CHM: variants seen among roughly 807,000 people sequenced by gnomAD.
The protein encoded by CHM is rab proteins geranylgeranyltransferase component A 1.
A neutral mutation model predicts 49.0 loss-of-function variants in CHM; 10 were observed. That is an observed-to-expected ratio of 0.20 (90% CI 0.13 to 0.35). The LOEUF (loss-of-function observed/expected upper bound fraction) is 0.35, where lower values mean the gene tolerates loss of function less well. Among genes scored for constraint, CHM ranks in the 10% least tolerant of loss-of-function variants. CHM has a pLI of 1.00. For synonymous variants in CHM, 184 were observed against 167.5 expected (o/e 1.10, Z -0.76); for missense variants, 455 against 478.4 (o/e 0.95, Z 0.46).
chrX:85,963,802 G>A lies in CHM; in HGVS notation c.565C>T (p.Pro189Ser). The A allele has an allele frequency of 8.3e-7, 1 of 1,211,493 alleles. No homozygotes were observed. The highest frequency in any genetic ancestry group is 1.1e-6 in the Non-Finnish European group (1 of 895,402). ...CTCATGTCTTCTGCTGAAGTTGATGGCACACAAGTTTTATCATCACAATGG... is the reference window on the plus strand; with the variant it reads ...CTCATGTCTTCTGCTGAAGTTGATGACACACAAGTTTTATCATCACAATGG... ...ENHCDDKTCV[P>S]STSAEDMSEN... Residue 189 changes from proline (P) to serine (S), a missense_variant, in exon 5 of 15, where the codon CCA becomes TCA. Transcript: ENST00000357749.
At chrX:85,913,257 A>C (rs1446043839) in intron 8 of CHM, among the ~76,000 whole-genome samples, 1 of 92,208 alleles carries the variant, frequency 1.1e-5, no homozygotes, top group Non-Finnish European at 2.1e-5. Flanking sequence ...CGGAGGTTGC[A>C]GTGAGCTGAG....
chrX:85,958,956 G>A lies in CHM; in HGVS notation c.724C>T (p.Leu242=), dbSNP rs1394811592. ...VSKLLYSRGL[L]IDLLIKSNVS... ...TTAGATTTGATTAGAAGATCAATTA[G>A]TAATCCTCGAGAATACAGCAGCTGT... The change falls in exon 6 of 15, where the codon CTA becomes TTA. Residue 242 remains leucine, a synonymous_variant. Transcript: ENST00000357749. 8.3e-7 allele frequency: 1 copy of A among 1,210,697 alleles called. No homozygotes were observed. Among genetic ancestry groups the A allele is most frequent in the Admixed American group, 2.2e-5 (1 of 45,958 alleles).
rs1929720291 is a variant in CHM at position 85,951,068 on chromosome X, T to TC, written c.1166+5084dup. Among the ~76,000 whole-genome samples, 3 of 111,866 alleles carry TC rather than the reference T, an allele frequency of 2.7e-5. No individual in the cohort carries two copies. In the South Asian group the frequency reaches 1.1e-3, roughly 41 times the overall value. On this transcript the variant is annotated intron_variant, in intron 8 of 14. Transcript: ENST00000357749. Reference sequence around the variant, plus strand: ...GAGAAAAAAGAAGAAAAAGTTATTTTCAGATACACACAACTAGAAAGCATT... The same window carrying TC: ...GAGAAAAAAGAAGAAAAAGTTATTTTCCAGATACACACAACTAGAAAGCATT...
At chrX:85,909,592 C>T (rs1448943268) in intron 9 of CHM, among the ~76,000 whole-genome samples, 5 of 111,932 alleles carry the variant, frequency 4.5e-5, no homozygotes, top group Admixed American at 9.5e-5. Flanking sequence ...CATTAGCTTT[C>T]AGCTATCTGT....
intron 13 of CHM, among the ~76,000 whole-genome samples, 195 bp downstream of exon 13, chrX:85,878,770 C>T (rs1776019067): frequency 9.0e-6 from 1 of 110,881 alleles, no homozygotes; most frequent in Admixed American, 9.6e-5. Context: ...GTATATACTT[C>T]CTTTAACATT....
chrX:85,885,756 G>A (rs1161408410), intron 12 of CHM, among the ~76,000 whole-genome samples: 1 of 110,614 alleles, frequency 9.0e-6, no homozygotes, highest in East Asian at 2.8e-4. Context: ...CATTATTACA[G>A]CATCAAGTTT....
chrX:86,016,069 T>A (rs1029200952), intron 2 of CHM, among the ~76,000 whole-genome samples: 3 of 109,865 alleles, frequency 2.7e-5, no homozygotes, highest in African/African-American at 1.0e-4. Context: ...AGAGGCAGAG[T>A]TTGCAGTGAG....
intron 8 of CHM, among the ~76,000 whole-genome samples, chrX:85,935,605 T>C (rs1928737254): frequency 8.9e-6 from 1 of 112,017 alleles, no homozygotes; most frequent in South Asian, 3.7e-4. Flanking sequence ...AACACAATGG[T>C]ATTTGTGTAT....
intron 1 of CHM, among the ~76,000 whole-genome samples, chrX:86,037,209 C>T (rs927477343): frequency 1.0e-4 from 11 of 105,215 alleles, no homozygotes; most frequent in Admixed American, 7.2e-4. Flanking sequence ...CTCCGCCTCC[C>T]GGGTTCAAGC....
At chrX:85,993,661 G>A (rs1218989348) in intron 2 of CHM, among the ~76,000 whole-genome samples, 2 of 111,678 alleles carry the variant, frequency 1.8e-5, no homozygotes, top group Non-Finnish European at 3.8e-5. Flanking sequence ...AAAACTTAGT[G>A]CCAACCTAAC....
At chrX:85,899,680 A>ACCCCC (rs374034736) in intron 11 of CHM, among the ~76,000 whole-genome samples, 20 of 49,559 alleles carry the variant, frequency 4.0e-4, no homozygotes, top group Non-Finnish European at 6.5e-4. Flanking sequence ...CTCTAAACCC[A>ACCCCC]CCCCCCGCCC....
chrX:85,983,312 A>G (rs73506453), intron 2 of CHM, among the ~76,000 whole-genome samples: 185 of 110,726 alleles, frequency 1.7e-3, no homozygotes, highest in Middle Eastern at 9.4e-3. Flanking sequence ...GCAATTCTAG[A>G]TGGTCACCCT....
chrX:85,893,899 T>C (rs945818495), intron 12 of CHM, among the ~76,000 whole-genome samples: 1 of 111,984 alleles, frequency 8.9e-6, no homozygotes, highest in Non-Finnish European at 1.9e-5. Context: ...AAAAATGTTA[T>C]GCAACCAGGT....
At chrX:85,894,408 G>C (rs971855040) in intron 11 of CHM, 124 bp from the exon 12 acceptor site, 35 of 475,840 alleles carry the variant, frequency 7.4e-5, no homozygotes, top group Non-Finnish European at 1.2e-4. Flanking sequence ...AAAAAAATAT[G>C]GCTTGTAAGG....
At chrX:85,878,509 AG>A (rs1168897730) in intron 13 of CHM, among the ~76,000 whole-genome samples, 7 of 111,020 alleles carry the variant, frequency 6.3e-5, no homozygotes, top group African/African-American at 1.6e-4. Context: ...TGGATAGGAA[AG>A]GATTTCTACA....
At position 85,953,717 on chromosome X, in the gene CHM, G is replaced by A. The variant is rs1013037381; in HGVS notation, c.1166+2436C>T. ...AGGGTGTTGGGGTAACTGGATATCT[G>A]TATGCAGAAAAATGAAACTAGACCC... On this transcript the variant is annotated intron_variant, in intron 8 of 14. Coordinates refer to ENST00000357749, the MANE Select transcript of CHM (RefSeq NM_000390.4). Among the ~76,000 whole-genome samples, 10 of 112,003 alleles carry A rather than the reference G, an allele frequency of 8.9e-5. 1 individual carries two copies. The highest frequency in any genetic ancestry group is 8.5e-4 in the Admixed American group (9 of 10,532).
chrX:85,890,177 T>C (rs1355608852), intron 12 of CHM, among the ~76,000 whole-genome samples: 1 of 111,876 alleles, frequency 8.9e-6, no homozygotes, highest in African/African-American at 3.2e-5. Flanking sequence ...CCTGTGCATA[T>C]ACTCCGTGAA....
At chrX:85,989,179 C>T (rs1408739078) in intron 2 of CHM, among the ~76,000 whole-genome samples, 1 of 111,219 alleles carries the variant, frequency 9.0e-6, no homozygotes, top group East Asian at 2.8e-4. Context: ...GAATAGAGAG[C>T]CCAGAAATAA....
chrX:85,909,815 G>A (rs1372121141), intron 9 of CHM, among the ~76,000 whole-genome samples: 1 of 111,910 alleles, frequency 8.9e-6, no homozygotes, highest in Non-Finnish European at 1.9e-5. Context: ...AAGGGTAAAA[G>A]AATCTAAGCA....
Sources: allele counts gnomAD v4.1 joint callset (sites outside exome capture counted in the v4.1 genomes callset), GRCh38; gene constraint gnomAD v4.1.1; transcripts MANE v1.5; gene names NCBI Gene and HGNC (gene_info 2026-07-23, HGNC 2026-07-21).